Variants in FERMT2 observed in about 807,000 individuals in gnomAD.
FERMT2 encodes the protein FERM domain containing kindlin 2.
FERMT2 carries 15 observed loss-of-function variants against 82.7 expected under a neutral mutation model. The ratio of observed to expected loss-of-function variants is 0.18; its 90% CI spans 0.12 to 0.28. The LOEUF is 0.28. Ranked by LOEUF, FERMT2 falls within the 10% of genes least tolerant of loss-of-function variation. FERMT2 has a pLI of 1.00. For synonymous variants in FERMT2, 274 were observed against 271.5 expected, an observed-to-expected ratio of 1.01 and a Z score of -0.09; for missense variants, 645 against 809.4, an observed-to-expected ratio of 0.80 and a Z score of 2.46.
intron 2 of FERMT2, among the ~76,000 whole-genome samples, chr14:52,931,173 G>T (rs1339196967): frequency 6.6e-6 from 1 of 152,104 alleles, no homozygotes; most frequent in African/African-American, 2.4e-5. Context: ...ACTAAGTTGG[G>T]CAATGGAATA....
intron 3 of FERMT2, among the ~76,000 whole-genome samples, chr14:52,913,883 A>G (rs1395899035): frequency 1.3e-5 from 2 of 152,140 alleles, no homozygotes; most frequent in African/African-American, 2.4e-5. Context: ...ATTTGATGAC[A>G]GGATGCCAGT....
chr14:52,942,291 A>T (rs1890124254), intron 2 of FERMT2, among the ~76,000 whole-genome samples: 1 of 147,040 alleles, frequency 6.8e-6, no homozygotes, highest in Non-Finnish European at 1.5e-5. Flanking sequence ...CCTGTGAGAA[A>T]ATGTTTTTCT....
At chr14:52,906,700 G>T (rs186923993) in intron 3 of FERMT2, among the ~76,000 whole-genome samples, 3 of 151,950 alleles carry the variant, frequency 2.0e-5, no homozygotes, top group Admixed American at 1.3e-4. Flanking sequence ...TTCTAGTGAT[G>T]AAAAAAACAT....
At chr14:52,894,408 A>G (rs1415521375) in intron 3 of FERMT2, among the ~76,000 whole-genome samples, 2 of 152,220 alleles carry the variant, frequency 1.3e-5, no homozygotes, top group Admixed American at 6.5e-5. Flanking sequence ...GCTTTTCTGT[A>G]GAAGTTGACA....
intron 1 of FERMT2, 103 bp from the exon 2 acceptor site, chr14:52,950,680 G>A: frequency 1.7e-6 from 2 of 1,199,834 alleles, no homozygotes; most frequent in South Asian, 2.8e-5. Context: ...GGTGGTGGAG[G>A]ACCCGGGGCT....
chr14:52,936,452 G>A (rs542202488), intron 2 of FERMT2, among the ~76,000 whole-genome samples: 19 of 152,150 alleles, frequency 1.2e-4, no homozygotes, highest in African/African-American at 4.6e-4. Flanking sequence ...GTCTTTTATG[G>A]GCATCTCACA....
chr14:52,860,540 GATTGAATTACGC>G, intron 12 of FERMT2, 75 bp from the exon 13 acceptor site: 2 of 1,387,092 alleles, frequency 1.4e-6, no homozygotes, highest in East Asian at 4.8e-5. Context: ...AAGATCAAAA[GATTGAATTACGC>G]ACCCCGTACC....
At chr14:52,942,569 T>TA (rs201490619) in intron 2 of FERMT2, among the ~76,000 whole-genome samples, 1,797 of 152,196 alleles carry the variant, frequency 0.012, 53 homozygotes, top group East Asian at 0.074. Context: ...CCCAAAGTGC[T>TA]AGGATTACAG....
At chr14:52,928,968 C>T (rs1015592592) in intron 2 of FERMT2, among the ~76,000 whole-genome samples, 1 of 152,078 alleles carries the variant, frequency 6.6e-6, no homozygotes, top group African/African-American at 2.4e-5. Context: ...CTCCAGGTGT[C>T]TCATCCATTC....
chr14:52,875,217 C>T lies in FERMT2; in HGVS notation c.1098+6G>A, dbSNP rs1885881313. 1 of 1,594,934 alleles carries T rather than the reference C, an allele frequency of 6.3e-7. No individual in the cohort carries two copies. The highest frequency in any genetic ancestry group is 8.5e-7 in the Non-Finnish European group (1 of 1,174,440). ...ATTAGTAGGTAAAAAAAAAGATTCA[C>T]CCTACCAAAATTGTTGACGTTTTAC... On this transcript the variant is annotated splice_donor_region_variant and intron_variant, in intron 8 of 14. Coordinates refer to ENST00000341590, the MANE Select transcript of FERMT2 (RefSeq NM_006832.3).
intron 2 of FERMT2, among the ~76,000 whole-genome samples, chr14:52,943,118 G>A (rs2139703518): frequency 6.8e-6 from 1 of 147,604 alleles, no homozygotes; most frequent in Non-Finnish European, 1.5e-5. Context: ...TGAGGCAGGA[G>A]AATCACTTGA....
chr14:52,905,111 C>G (rs988015379), intron 3 of FERMT2, among the ~76,000 whole-genome samples: 33 of 151,104 alleles, frequency 2.2e-4, no homozygotes, highest in Non-Finnish European at 3.7e-4. Flanking sequence ...ATCGCTTGAA[C>G]CGGGGAGGCA....
intron 3 of FERMT2, among the ~76,000 whole-genome samples, chr14:52,914,911 C>G (rs996066991): frequency 6.6e-6 from 1 of 151,844 alleles, no homozygotes; most frequent in African/African-American, 2.4e-5. Flanking sequence ...CAGAGGGAGA[C>G]TCTGTCTCAA....
At chr14:52,902,754 A>G (rs1312890357) in intron 3 of FERMT2, among the ~76,000 whole-genome samples, 1 of 150,792 alleles carries the variant, frequency 6.6e-6, no homozygotes, top group Non-Finnish European at 1.5e-5. Flanking sequence ...CTGTAATCCC[A>G]GCTACTTGGG....
In FERMT2 at chr14:52,875,200, G is replaced by GT. The variant is rs567398364; in HGVS notation, c.1098+22dup. 68 of 1,584,246 alleles carry GT rather than the reference G, an allele frequency of 4.3e-5. No homozygotes were observed. The South Asian group carries it at 4.3e-4, about 10-fold the overall frequency. On this transcript the variant is annotated intron_variant, in intron 8 of 14. Transcript: ENST00000341590. ...GCATCAATTCAAGCTAAATTAGTAGGTAAAAAAAAAGATTCACCCTACCAA... is the reference window on the plus strand; with the variant it reads ...GCATCAATTCAAGCTAAATTAGTAGGTTAAAAAAAAAGATTCACCCTACCAA...
chr14:52,946,458 GC>G (rs1335448329), intron 2 of FERMT2, among the ~76,000 whole-genome samples: 25 of 151,594 alleles, frequency 1.6e-4, no homozygotes, highest in Admixed American at 6.6e-5. Context: ...TTCAAGACCA[GC>G]CTGGGCAACA....
chr14:52,891,717 GATTA>G (rs1341301529), intron 4 of FERMT2, among the ~76,000 whole-genome samples: 1 of 152,142 alleles, frequency 6.6e-6, no homozygotes, highest in Non-Finnish European at 1.5e-5. Flanking sequence ...AAATTAGTAA[GATTA>G]ATTTAGATAT....
chr14:52,927,592 T>TAAAAAAAAAAAA lies in FERMT2; in HGVS notation c.158-8248_158-8237dup, dbSNP rs71125150. Among the ~76,000 whole-genome samples, 185 of 33,726 alleles carry TAAAAAAAAAAAA rather than the reference T, an allele frequency of 5.5e-3. 21 individuals carry two copies. Among genetic ancestry groups the TAAAAAAAAAAAA allele is most frequent in the Non-Finnish European group, 7.7e-3 (152 of 19,722 alleles). 22.1% of individuals were successfully genotyped at this position (33,726 alleles called of 152,430 possible). Reference sequence around the variant, plus strand: ...GCAACATAGCAAAACCTCATCCCTATAAAAAAAAAAAAAAAAAAAAAAAAA... The same window carrying TAAAAAAAAAAAA: ...GCAACATAGCAAAACCTCATCCCTATAAAAAAAAAAAAAAAAAAAAAAAAAAAAAAAAAAAAA... On this transcript the variant is annotated intron_variant, in intron 2 of 14. Coordinates refer to ENST00000341590, the MANE Select transcript of FERMT2 (RefSeq NM_006832.3).
chr14:52,944,208 AACTT>A (rs1338173777), intron 2 of FERMT2, among the ~76,000 whole-genome samples: 5 of 152,222 alleles, frequency 3.3e-5, no homozygotes, highest in African/African-American at 7.2e-5. Flanking sequence ...ACACTGAGTA[AACTT>A]ACTATCAGAT....
Sources: gnomAD v4.1 joint callset for allele counts (sites outside exome capture counted in the v4.1 genomes callset) on GRCh38, gnomAD v4.1.1 for gene constraint, MANE v1.5 for transcripts, NCBI Gene and HGNC (gene_info 2026-07-23, HGNC 2026-07-21) for gene names.